The following GPC6 variants were observed in gnomAD, a reference collection of about 807,000 sequenced individuals.
GPC6 encodes glypican-6.
Under a neutral mutation model 55.2 loss-of-function variants are expected in GPC6, and 14 were observed. The observed-to-expected ratio is 0.25, with a 90% CI of 0.17 to 0.40. The LOEUF is 0.40. Ranked by LOEUF, GPC6 falls within the 10% of genes least tolerant of loss-of-function variation. The probability of loss-of-function intolerance (pLI) is 1.00; values close to 1 mark genes in which losing one functional copy is unlikely to be tolerated. For missense variants in GPC6, 641 were observed against 708.5 expected (o/e 0.90, Z 1.08); for synonymous variants, 278 against 259.6 (o/e 1.07, Z -0.68).
At chr13:93,394,303 G>T (rs1022340519) in intron 1 of GPC6, among the ~76,000 whole-genome samples, 3 of 152,100 alleles carry the variant, frequency 2.0e-5, no homozygotes, top group Non-Finnish European at 4.4e-5. Flanking sequence ...ATAGAAAGTG[G>T]CCCAGCCTTA....
At chr13:93,225,321 A>G (rs1875733206), upstream of GPC6, among the ~76,000 whole-genome samples, 1 of 152,242 alleles carries the variant, frequency 6.6e-6, no homozygotes. Flanking sequence ...GTCCACAAAC[A>G]TAACCAGAAT....
intron 4 of GPC6, among the ~76,000 whole-genome samples, chr13:94,193,177 T>G (rs1889456649): frequency 6.6e-6 from 1 of 152,042 alleles, no homozygotes; most frequent in African/African-American, 2.4e-5. Flanking sequence ...GAGAGGAAAC[T>G]GTAATTTGAA....
In GPC6 at chr13:94,344,289, G is replaced by A. The variant is rs367932006; in HGVS notation, c.1153-38125G>A. Among the ~76,000 whole-genome samples, 23 of 152,304 alleles carry A rather than the reference G, an allele frequency of 1.5e-4. 1 individual carries two copies. Among genetic ancestry groups the A allele is most frequent in the African/African-American group, 5.1e-4 (21 of 41,558 alleles). On this transcript the variant is annotated intron_variant, in intron 6 of 8. Transcript: ENST00000377047. ...CTGCCCTGTGTGAACCTTTAGAAATGTAAAGAATGTTTTGTTAAGGGGAGA... is the reference window on the plus strand; with the variant it reads ...CTGCCCTGTGTGAACCTTTAGAAATATAAAGAATGTTTTGTTAAGGGGAGA...
At chr13:93,499,959 T>A (rs1258966411) in intron 1 of GPC6, among the ~76,000 whole-genome samples, 1 of 152,172 alleles carries the variant, frequency 6.6e-6, no homozygotes, top group Non-Finnish European at 1.5e-5. Context: ...TCTTCCCAGC[T>A]TCATCTGTGA....
intron 2 of GPC6, among the ~76,000 whole-genome samples, chr13:93,676,646 T>C (rs1317029560): frequency 1.3e-5 from 2 of 152,066 alleles, no homozygotes; most frequent in Admixed American, 1.3e-4. Flanking sequence ...TTGTCAGATC[T>C]CCCAAAATTT....
intron 2 of GPC6, among the ~76,000 whole-genome samples, chr13:93,737,140 G>A (rs1346212289): frequency 6.6e-6 from 1 of 152,136 alleles, no homozygotes; most frequent in Non-Finnish European, 1.5e-5. Context: ...CGTCCTGCAT[G>A]CATTGCTTGG....
At chr13:94,010,979 T>C (rs926587172) in intron 3 of GPC6, among the ~76,000 whole-genome samples, 4 of 152,136 alleles carry the variant, frequency 2.6e-5, no homozygotes, top group Non-Finnish European at 5.9e-5. Flanking sequence ...AACACCAAGA[T>C]GATATTAAAG....
chr13:93,542,084 A>G (rs1428480221), intron 1 of GPC6, among the ~76,000 whole-genome samples: 1 of 152,162 alleles, frequency 6.6e-6, no homozygotes, highest in Non-Finnish European at 1.5e-5. Flanking sequence ...TGTTTTAGAC[A>G]TGAAGTCCTT....
At chr13:94,176,923 G>C (rs1454751980) in intron 4 of GPC6, among the ~76,000 whole-genome samples, 1 of 152,142 alleles carries the variant, frequency 6.6e-6, no homozygotes, top group Non-Finnish European at 1.5e-5. Flanking sequence ...CAGAACTTCC[G>C]CATGTGATGT....
chr13:93,386,592 A>C (rs959154829), intron 1 of GPC6, among the ~76,000 whole-genome samples: 2 of 152,222 alleles, frequency 1.3e-5, no homozygotes, highest in African/African-American at 4.8e-5. Context: ...TATTTTGGGC[A>C]TAAGAGAGAG....
At chr13:93,363,117 G>GTTTTTTTTTTTT (rs199840187) in intron 1 of GPC6, among the ~76,000 whole-genome samples, 1 of 126,010 alleles carries the variant, frequency 7.9e-6, no homozygotes, top group African/African-American at 3.1e-5. Context: ...CTTTTTTTTT[G>GTTTTTTTTTTTT]TTTTTTTTTT....
At position 93,401,155 on chromosome 13, in the gene GPC6, C is replaced by CGTGTGTGT. The variant is rs5805802; in HGVS notation, c.161-144071_161-144064dup. Among the ~76,000 whole-genome samples, 37 of 143,540 alleles carry CGTGTGTGT rather than the reference C, an allele frequency of 2.6e-4. No individual in the cohort carries two copies. The East Asian group carries it at 4.3e-3, about 17-fold the overall frequency. 94.2% of individuals were successfully genotyped at this position (143,540 alleles called of 152,430 possible). A position where few individuals can be genotyped will look rare whatever the true frequency, so the allele number is the denominator to read the frequency against. The stretch of plus-strand genomic sequence containing the variant: ...AAGGCAGAAGGGCAGAGGTATTTGT[C>CGTGTGTGT]GTGTGTGTGTGTGTGTGTGTGTGTG... On this transcript the variant is annotated intron_variant, in intron 1 of 8. Coordinates refer to ENST00000377047, the MANE Select transcript of GPC6 (RefSeq NM_005708.5).
chr13:94,116,532 T>G (rs114719876), intron 4 of GPC6, among the ~76,000 whole-genome samples: 1 of 152,102 alleles, frequency 6.6e-6, no homozygotes, highest in Non-Finnish European at 1.5e-5. Context: ...AATATGACCA[T>G]GTATGGCTGT....
intron 2 of GPC6, among the ~76,000 whole-genome samples, chr13:93,598,170 A>T (rs1877850802): frequency 6.6e-6 from 1 of 152,092 alleles, no homozygotes; most frequent in Non-Finnish European, 1.5e-5. Flanking sequence ...AATAAATAAA[A>T]AAGTTATATG....
At chr13:93,689,375 A>T (rs1159727558) in intron 2 of GPC6, among the ~76,000 whole-genome samples, 1 of 152,136 alleles carries the variant, frequency 6.6e-6, no homozygotes, top group South Asian at 2.1e-4. Flanking sequence ...TATGTAACAA[A>T]TGATTATCTT....
intron 4 of GPC6, among the ~76,000 whole-genome samples, chr13:94,255,498 T>C (rs1891477341): frequency 6.6e-6 from 1 of 152,182 alleles, no homozygotes; most frequent in African/African-American, 2.4e-5. Context: ...GAGGGATGGT[T>C]TGACAACCTG....
At chr13:93,672,885 G>C (rs1489308492) in intron 2 of GPC6, among the ~76,000 whole-genome samples, 3 of 151,974 alleles carry the variant, frequency 2.0e-5, no homozygotes, top group Non-Finnish European at 4.4e-5. Context: ...TTTCAATGAG[G>C]TATATTCATT....
At chr13:93,285,717 C>T (rs768555483) in intron 1 of GPC6, among the ~76,000 whole-genome samples, 69 of 144,644 alleles carry the variant, frequency 4.8e-4, no homozygotes, top group Non-Finnish European at 8.6e-4. Context: ...TTTTTAAAAC[C>T]CAGGTTAAAT....
chr13:94,316,293 C>T (rs938542136), intron 6 of GPC6, among the ~76,000 whole-genome samples: 7 of 152,174 alleles, frequency 4.6e-5, no homozygotes, highest in African/African-American at 1.2e-4. Context: ...CGGATGCCAA[C>T]GGAGCTTACC....
Sources: gnomAD v4.1 joint callset for allele counts (sites outside exome capture counted in the v4.1 genomes callset) on GRCh38, gnomAD v4.1.1 for gene constraint, MANE v1.5 for transcripts, NCBI Gene and HGNC (gene_info 2026-07-23, HGNC 2026-07-21) for gene names.